The following C11orf58 variants were observed in gnomAD, a reference collection of about 807,000 sequenced individuals.
C11orf58 encodes small acidic protein.
A neutral mutation model predicts 22.7 loss-of-function variants in C11orf58; 5 were observed. That is an observed-to-expected ratio of 0.22 (90% CI 0.12 to 0.46). C11orf58 has a LOEUF of 0.46. Ranked by LOEUF, C11orf58 falls within the 20% of genes least tolerant of loss-of-function variation. The probability of loss-of-function intolerance (pLI) is 0.99; values close to 1 mark genes in which losing one functional copy is unlikely to be tolerated. For synonymous variants in C11orf58, 71 were observed against 70.7 expected (o/e 1.00, Z -0.02); for missense variants, 151 against 223.3 (o/e 0.68, Z 2.06).
At chr11:16,748,010 C>G in intron 2 of C11orf58, 87 bp from the exon 3 acceptor site, 1 of 981,192 alleles carries the variant, frequency 1.0e-6, no homozygotes, top group Admixed American at 1.9e-5. Flanking sequence ...GTCCCAGAAG[C>G]CTAGAATAGT....
At chr11:16,753,171 G>A (rs570456976) in intron 4 of C11orf58, among the ~76,000 whole-genome samples, 2 of 151,886 alleles carry the variant, frequency 1.3e-5, no homozygotes, top group South Asian at 2.1e-4. Context: ...TCCACCTCGC[G>A]GGTTCAAGTG....
At chr11:16,750,525 T>G (rs1364476854) in intron 3 of C11orf58, 2 of 152,248 alleles carry the variant, frequency 1.3e-5, no homozygotes, top group African/African-American at 4.8e-5. Context: ...GTTCAAAAGG[T>G]GGCACATGTT....
rs1376504368 is a variant in C11orf58, at chr11:16,754,990, A to G, written c.438A>G (p.Glu146=). ...SESDSESEKE[E]SAEELQAAEH... ...GCGATTCAGAGTCAGAGAAAGAAGAATCTGCTGAAGAACTCCAAGCTGCTG... is the reference window on the plus strand; with the variant it reads ...GCGATTCAGAGTCAGAGAAAGAAGAGTCTGCTGAAGAACTCCAAGCTGCTG... The change falls in exon 5 of 5, where the codon GAA becomes GAG. Residue 146 remains glutamate, a synonymous_variant. Transcript: ENST00000228136. 4.3e-6 allele frequency: 7 copies of G among 1,614,180 alleles called. No homozygotes were observed. The highest frequency in any genetic ancestry group is 5.9e-6 in the Non-Finnish European group (7 of 1,180,032).
At chr11:16,746,193 C>T (rs1414557334) in intron 2 of C11orf58, among the ~76,000 whole-genome samples, 1 of 152,190 alleles carries the variant, frequency 6.6e-6, no homozygotes, top group African/African-American at 2.4e-5. Context: ...AGGAGTTAGC[C>T]AGACTACAAC....
chr11:16,744,507 A>G (rs886127747), intron 1 of C11orf58, 94 bp from the exon 2 acceptor site: 39 of 929,608 alleles, frequency 4.2e-5, no homozygotes, highest in Non-Finnish European at 5.9e-5. Context: ...TACAACTGAC[A>G]GGGGAAAAAA....
At chr11:16,748,841 A>G (rs1272034111) in intron 3 of C11orf58, among the ~76,000 whole-genome samples, 1 of 152,158 alleles carries the variant, frequency 6.6e-6, no homozygotes, top group Non-Finnish European at 1.5e-5. Flanking sequence ...GAGAGAGTAT[A>G]TGTCATTATG....
chr11:16,753,885 G>T (rs974868241), intron 4 of C11orf58: 2 of 516,930 alleles, frequency 3.9e-6, no homozygotes, highest in African/African-American at 3.9e-5. Context: ...TTTTTGTAGA[G>T]ACGGAGTTTT....
At chr11:16,751,473 G>A (rs1025590233) in intron 3 of C11orf58, 1 of 149,254 alleles carries the variant, frequency 6.7e-6, no homozygotes, top group African/African-American at 2.5e-5. Flanking sequence ...CTGCACTCCA[G>A]CCTGGGCAAG....
rs773638245 is a variant in C11orf58 at position 16,738,788 on chromosome 11, G to T, written c.10G>T (p.Ala4Ser). Residue 4 changes from alanine to serine, a missense_variant, in exon 1 of 5, where the codon GCC becomes TCC. Transcript: ENST00000228136. Reference protein sequence around the residue: MSAARESHPHGVKR... With the variant: MSASRESHPHGVKR... ...CGGGATCCCCGCAAGGATGAGTGCTGCCAGAGAGTCTCACCCGCATGGGGT... is the reference window on the plus strand; with the variant it reads ...CGGGATCCCCGCAAGGATGAGTGCTTCCAGAGAGTCTCACCCGCATGGGGT... 1.2e-6 allele frequency: 2 copies of T among 1,614,024 alleles called. No individual in the cohort carries two copies. The highest frequency in any genetic ancestry group is 1.7e-6 in the Non-Finnish European group (2 of 1,179,998).
At chr11:16,754,013 C>T (rs930825241) in intron 4 of C11orf58, 1 of 435,528 alleles carries the variant, frequency 2.3e-6, no homozygotes, top group Non-Finnish European at 4.1e-6. Context: ...TTTTAATAGG[C>T]GTGAACAACA....
At chr11:16,742,729 G>T (rs977511526) in intron 1 of C11orf58, among the ~76,000 whole-genome samples, 2 of 152,106 alleles carry the variant, frequency 1.3e-5, no homozygotes, top group African/African-American at 2.4e-5. Context: ...AATAATGGGA[G>T]ATAGTGCAAA....
rs1230362883 is a variant in C11orf58 at position 16,755,861 on chromosome 11, C to G, written c.*757C>G. The G allele has an allele frequency of 1.3e-5, 2 of 151,848 alleles. No homozygotes were observed. The highest frequency in any genetic ancestry group is 6.6e-5 in the Admixed American group (1 of 15,182). The allele number at this position is 151,848 out of a possible 1,614,324, so 9.4% of individuals were successfully genotyped here. A position where few individuals can be genotyped will look rare whatever the true frequency, so the allele number is the denominator to read the frequency against. ...ATATGTGACCAAAGTTAATTTTGTC[C>G]CAAAGGTCTAAATAAAGAGCAGTTT... On this transcript the variant is annotated 3_prime_UTR_variant, in exon 5 of 5. Coordinates refer to ENST00000228136, the MANE Select transcript of C11orf58 (RefSeq NM_014267.6).
At chr11:16,754,620 T>C (rs1263433005) in intron 4 of C11orf58, among the ~76,000 whole-genome samples, 5 of 134,298 alleles carry the variant, frequency 3.7e-5, no homozygotes, top group Non-Finnish European at 1.6e-5. Context: ...CCCAGGCTGG[T>C]CTCAAACTTT....
intron 2 of C11orf58, among the ~76,000 whole-genome samples, chr11:16,745,922 TG>T (rs368622351): frequency 9.8e-4 from 150 of 152,362 alleles, no homozygotes; most frequent in African/African-American, 3.4e-3. Context: ...GTTATGCACA[TG>T]GGAATACATT....
At chr11:16,751,213 T>C (rs748968290) in intron 3 of C11orf58, 1 of 152,120 alleles carries the variant, frequency 6.6e-6, no homozygotes, top group Admixed American at 6.5e-5. Context: ...CAAAATTGCT[T>C]ACTTGGCCAG....
At position 16,755,015 on chromosome 11, in the gene C11orf58, G is replaced by A. The variant is rs771370191; in HGVS notation, c.463G>A (p.Glu155Lys). ...ATCTGCTGAAGAACTCCAAGCTGCT[G>A]AGCACCCTGATGAAGTGGAGGATCC... ...EESAEELQAA[E>K]HPDEVEDPKN... The change falls in exon 5 of 5, where the codon GAG becomes AAG. Residue 155 changes from glutamate (E) to lysine (K), a missense_variant. By Grantham distance (56) the Glu-to-Lys change is moderately conservative (BLOSUM62 1). Around this residue, in one of 3 missense-constraint regions of C11orf58, gnomAD observed 112 missense variants for 162.6 expected, o/e 0.69. Coordinates refer to ENST00000228136, the MANE Select transcript of C11orf58 (RefSeq NM_014267.6). 9.9e-6 allele frequency: 16 copies of A among 1,613,972 alleles called. No homozygotes were observed. The highest frequency in any genetic ancestry group is 1.3e-5 in the Non-Finnish European group (15 of 1,180,022).
At chr11:16,742,115 G>A (rs1003789106) in intron 1 of C11orf58, among the ~76,000 whole-genome samples, 2 of 152,196 alleles carry the variant, frequency 1.3e-5, no homozygotes, top group Non-Finnish European at 2.9e-5. Flanking sequence ...GGGATTAGAA[G>A]TTGTAGATGA....
rs1848568291 is a variant in C11orf58 at position 16,755,328 on chromosome 11, C to G, written c.*224C>G. The G allele has an allele frequency of 5.3e-6, 2 of 376,586 alleles. No homozygotes were observed. The highest frequency in any genetic ancestry group is 1.0e-4 in the South Asian group (2 of 19,860). 23.3% of individuals were successfully genotyped at this position (376,586 alleles called of 1,614,324 possible). ...AGTTGTATAAAATAAGAAATAAATACAGTACTCAACTTCCTTTCATATTAG... is the reference window on the plus strand; with the variant it reads ...AGTTGTATAAAATAAGAAATAAATAGAGTACTCAACTTCCTTTCATATTAG... On this transcript the variant is annotated 3_prime_UTR_variant, in exon 5 of 5. Transcript: ENST00000228136.
chr11:16,752,124 G>A (rs550798092), intron 3 of C11orf58: 14 of 177,544 alleles, frequency 7.9e-5, no homozygotes, highest in East Asian at 3.3e-4. Flanking sequence ...AGATGGGACC[G>A]TCTAGTTGCA....
Sources: allele counts gnomAD v4.1 joint callset (sites outside exome capture counted in the v4.1 genomes callset), GRCh38; gene constraint gnomAD v4.1.1; regional missense constraint gnomAD v4.1.1; transcripts MANE v1.5; gene names NCBI Gene and HGNC (gene_info 2026-07-23, HGNC 2026-07-21).